SCHIP1: variants seen among roughly 807,000 people sequenced by gnomAD.
The protein encoded by SCHIP1 is schwannomin interacting protein 1.
Under a neutral mutation model 29.7 loss-of-function variants are expected in SCHIP1, and 8 were observed. The observed-to-expected ratio is 0.27, with a 90% CI of 0.16 to 0.49. The LOEUF is 0.49. SCHIP1 is among the 20% of genes least tolerant of loss of function. The pLI, the probability that SCHIP1 is intolerant of heterozygous loss-of-function variation, is 0.99. For missense variants in SCHIP1, 193 were observed against 294.6 expected (o/e 0.66, Z 2.52); for synonymous variants, 76 against 94.9 (o/e 0.80, Z 1.16).
chr3:159,365,245 A>G, the SCHIP1 span, among the ~76,000 whole-genome samples: 1 of 152,164 alleles, frequency 6.6e-6, no homozygotes, highest in Non-Finnish European at 1.5e-5. Context: ...ATTGCTCCAG[A>G]GACAGATATT....
the SCHIP1 span, among the ~76,000 whole-genome samples, chr3:159,535,355 A>C: frequency 4.6e-5 from 7 of 152,242 alleles, no homozygotes; most frequent in East Asian, 7.7e-4. Flanking sequence ...TCAGGTCACT[A>C]TCCTAATCCT....
chr3:159,876,492 A>G (rs1715825246), intron 2 of SCHIP1, among the ~76,000 whole-genome samples: 1 of 152,232 alleles, frequency 6.6e-6, no homozygotes, highest in Admixed American at 6.5e-5. Context: ...CACTCAGAAG[A>G]GTGCCTGGAC....
the SCHIP1 span, among the ~76,000 whole-genome samples, chr3:159,582,668 T>TA: frequency 3.3e-5 from 5 of 152,012 alleles, no homozygotes; most frequent in Non-Finnish European, 4.4e-5. Context: ...ACTGGGAAAC[T>TA]AAAAAATATA....
At chr3:159,323,897 A>G in the SCHIP1 span, among the ~76,000 whole-genome samples, 1 of 152,176 alleles carries the variant, frequency 6.6e-6, no homozygotes, top group Admixed American at 6.5e-5. Flanking sequence ...TTAGGAGTGC[A>G]TATTTAGCTT....
chr3:159,380,886 T>G, the SCHIP1 span, among the ~76,000 whole-genome samples: 1 of 152,170 alleles, frequency 6.6e-6, no homozygotes, highest in South Asian at 2.1e-4. Flanking sequence ...TCTCAAGCAG[T>G]GGACCACGCT....
At chr3:159,797,613 C>T in the SCHIP1 span, among the ~76,000 whole-genome samples, 9 of 150,286 alleles carry the variant, frequency 6.0e-5, no homozygotes, top group East Asian at 1.6e-3. Context: ...TGCTCTGTTG[C>T]CCAGGCTGGA....
At chr3:159,528,013 G>T in the SCHIP1 span, among the ~76,000 whole-genome samples, 1 of 152,146 alleles carries the variant, frequency 6.6e-6, no homozygotes, top group African/African-American at 2.4e-5. Flanking sequence ...TGGTTTCCAA[G>T]TCAAATTTTA....
At chr3:159,835,126 T>C (rs1028413349), upstream of SCHIP1, among the ~76,000 whole-genome samples, 2 of 152,228 alleles carry the variant, frequency 1.3e-5, no homozygotes, top group African/African-American at 2.4e-5. Flanking sequence ...GCTTAAAAGT[T>C]ATTACTTAAG....
the SCHIP1 span, among the ~76,000 whole-genome samples, chr3:159,624,951 A>G: frequency 7.7e-4 from 117 of 152,350 alleles, 1 homozygote; most frequent in African/African-American, 2.8e-3. Flanking sequence ...AAAGTTTGCA[A>G]TGCACTTGAA....
chr3:159,398,487 CTT>C, the SCHIP1 span, among the ~76,000 whole-genome samples: 1 of 152,116 alleles, frequency 6.6e-6, no homozygotes, highest in Non-Finnish European at 1.5e-5. Context: ...ATTCAATTGA[CTT>C]TTGTAAAAGT....
chr3:159,580,812 T>C, the SCHIP1 span, among the ~76,000 whole-genome samples: 1 of 152,208 alleles, frequency 6.6e-6, no homozygotes, highest in African/African-American at 2.4e-5. Context: ...TGGACCTCTC[T>C]AAGAGATGGT....
At chr3:159,385,902 G>C in the SCHIP1 span, among the ~76,000 whole-genome samples, 1 of 151,772 alleles carries the variant, frequency 6.6e-6, no homozygotes, top group African/African-American at 2.4e-5. Flanking sequence ...GTGTCCACGT[G>C]TCCTCATTAT....
the SCHIP1 span, among the ~76,000 whole-genome samples, chr3:159,746,621 G>A: frequency 5.9e-5 from 9 of 152,094 alleles, no homozygotes; most frequent in East Asian, 1.9e-4. Flanking sequence ...AAATCCTTCA[G>A]ATGTCTTTAT....
the SCHIP1 span, among the ~76,000 whole-genome samples, chr3:159,407,771 A>G: frequency 0.8 from 122,124 of 152,090 alleles, 49,241 homozygotes; most frequent in Middle Eastern, 0.83. Flanking sequence ...CAAACAATAT[A>G]CTCCTGAATG....
the SCHIP1 span, among the ~76,000 whole-genome samples, chr3:159,299,603 C>T: frequency 1.3e-5 from 2 of 152,202 alleles, no homozygotes; most frequent in East Asian, 1.9e-4. Context: ...ATTTTCCTGG[C>T]TCTGCAGCTT....
At chr3:159,704,085 A>G in the SCHIP1 span, among the ~76,000 whole-genome samples, 1 of 152,196 alleles carries the variant, frequency 6.6e-6, no homozygotes, top group African/African-American at 2.4e-5. Flanking sequence ...TGAGTGCCAG[A>G]GGCTAAGCTG....
chr3:159,696,676 C>A, the SCHIP1 span, among the ~76,000 whole-genome samples: 1 of 152,122 alleles, frequency 6.6e-6, no homozygotes. Flanking sequence ...TGAGAAGTAA[C>A]AATGATGGAT....
chr3:159,805,857 G>A, the SCHIP1 span, among the ~76,000 whole-genome samples: 1 of 147,106 alleles, frequency 6.8e-6, no homozygotes, highest in Admixed American at 6.8e-5. Context: ...CACCCAGGCT[G>A]GAATGCAGTG....
chr3:159,498,104 C>G, the SCHIP1 span, among the ~76,000 whole-genome samples: 2 of 152,094 alleles, frequency 1.3e-5, no homozygotes, highest in African/African-American at 4.8e-5. Flanking sequence ...AAATAATTGT[C>G]AAAGGAAATA....
Sources: gnomAD v4.1 joint callset for allele counts (sites outside exome capture counted in the v4.1 genomes callset) on GRCh38, gnomAD v4.1.1 for gene constraint, MANE v1.5 for transcripts, NCBI Gene and HGNC (gene_info 2026-07-23, HGNC 2026-07-21) for gene names.